The following INTS6 variants were observed in gnomAD, a reference collection of about 807,000 sequenced individuals.
INTS6 encodes integrator complex subunit 6.
INTS6 carries 16 observed loss-of-function variants against 104.9 expected under a neutral mutation model. That is an observed-to-expected ratio of 0.15 (90% confidence interval 0.10 to 0.23). The LOEUF is 0.23. Among genes scored for constraint, INTS6 ranks in the 10% least tolerant of loss-of-function variants. The pLI is 1.00. For missense variants in INTS6, 584 were observed against 1,062.8 expected, an observed-to-expected ratio of 0.55 and a Z score of 6.26; for synonymous variants, 324 against 358.7, an observed-to-expected ratio of 0.90 and a Z score of 1.09.
chr13:51,383,092 AC>A (rs150302250), intron 9 of INTS6, among the ~76,000 whole-genome samples: 1 of 97,174 alleles, frequency 1.0e-5, no homozygotes, highest in Non-Finnish European at 2.1e-5. Context: ...TCCCTCCCCC[AC>A]CCCCCCGCAA....
At position 51,364,506 on chromosome 13, in the gene INTS6, C is replaced by T. The variant is rs978386477; in HGVS notation, c.*1246G>A. 2 of 439,846 alleles carry T rather than the reference C, an allele frequency of 4.5e-6. No homozygotes were observed. Among genetic ancestry groups the T allele is most frequent in the Non-Finnish European group, 8.0e-6 (2 of 248,592 alleles). The allele number at this position is 439,846 out of a possible 1,614,324, so 27.2% of individuals were successfully genotyped here. ...TGACCTTCTTTTCTACTGCTTACCC[C>T]CCAAACCACTAAAAGGCACAGCAGT... On this transcript the variant is annotated 3_prime_UTR_variant, in exon 18 of 18. Transcript: ENST00000311234.
chr13:51,447,066 A>C (rs551100758), intron 3 of INTS6: 1 of 152,332 alleles, frequency 6.6e-6, no homozygotes, highest in South Asian at 2.1e-4. Context: ...TTTTAATTAA[A>C]GGAATTAAAA....
At chr13:51,381,860 G>A (rs1435153084) in intron 10 of INTS6, among the ~76,000 whole-genome samples, 169 bp downstream of exon 10, 1 of 151,736 alleles carries the variant, frequency 6.6e-6, no homozygotes, top group Admixed American at 6.6e-5. Flanking sequence ...CCGCCACCAC[G>A]CCCAGCTAAT....
At chr13:51,374,878 T>TA in intron 13 of INTS6, 82 bp from the exon 14 acceptor site, 1 of 1,407,662 alleles carries the variant, frequency 7.1e-7, no homozygotes, top group African/African-American at 1.4e-5. Flanking sequence ...GAATGCTACC[T>TA]AGTGTTATTC....
At position 51,430,309 on chromosome 13, in the gene INTS6, A is replaced by G. The variant is rs1479097731; in HGVS notation, c.414T>C (p.Ser138=). Residue 138 remains serine (S), a synonymous_variant, in exon 4 of 18, where the codon AGT becomes AGC. Transcript: ENST00000311234. ...CACAACTTACCTCATCCTGGACTCCACTGGTGGTAGTCAACTTGCTCCCAT... is the reference window on the plus strand; with the variant it reads ...CACAACTTACCTCATCCTGGACTCCGCTGGTGGTAGTCAACTTGCTCCCAT... ...ITDGSKLTTT[S]GVQDELHLPL... The G allele has an allele frequency of 6.2e-7, 1 of 1,613,162 alleles. No individual in the cohort carries two copies. The highest frequency in any genetic ancestry group is 1.1e-5 in the South Asian group (1 of 91,028).
chr13:51,344,424 C>T, the INTS6 span: 1 of 1,608,864 alleles, frequency 6.2e-7, no homozygotes, highest in Non-Finnish European at 8.5e-7. Flanking sequence ...AACCAGCCGA[C>T]CTCAGTGAGC....
the INTS6 span, among the ~76,000 whole-genome samples, chr13:51,334,474 T>G: frequency 2.0e-5 from 3 of 152,196 alleles, no homozygotes; most frequent in African/African-American, 7.2e-5. Context: ...GGAAAGACAT[T>G]CCACAGTCTT....
At chr13:51,410,900 A>C (rs532440957) in intron 4 of INTS6, among the ~76,000 whole-genome samples, 28 of 152,276 alleles carry the variant, frequency 1.8e-4, no homozygotes, top group African/African-American at 6.7e-4. Flanking sequence ...CACTTGACCA[A>C]AGAGATACAG....
At position 51,383,405 on chromosome 13, in the gene INTS6, C is replaced by T. The variant is rs377601724; in HGVS notation, c.1104G>A (p.Leu368=). ...CACAGTTCAGTGCTGTACTGGCTTT[C>T]AAGTAACCAAAAGGATGACCAAGTT... ...YSELGHPFGY[L]KASTALNCVN... is the part of the protein sequence containing the mutation. The change falls in exon 9 of 18, where the codon TTG becomes TTA. Residue 368 remains leucine, a synonymous_variant. Coordinates refer to ENST00000311234, the MANE Select transcript of INTS6 (RefSeq NM_012141.3). 6 of 1,613,880 alleles carry T rather than the reference C, an allele frequency of 3.7e-6. No individual in the cohort carries two copies. In the African/African-American group the frequency reaches 6.7e-5, roughly 18 times the overall value.
chr13:51,369,087 C>T lies in INTS6; in HGVS notation c.2328G>A (p.Glu776=), dbSNP rs763372877. 6 of 1,613,808 alleles carry T rather than the reference C, an allele frequency of 3.7e-6. No homozygotes were observed. In the Admixed American group the frequency reaches 8.3e-5, roughly 22 times the overall value. ...CAGCACATTGTTCTTTATCTCTTGGCTCCTCATGATTTTCTAAAAATCCAC... is the reference window on the plus strand; with the variant it reads ...CAGCACATTGTTCTTTATCTCTTGGTTCCTCATGATTTTCTAAAAATCCAC... ...TVGGFLENHE[E]PRDKEQCAEE... is the part of the protein sequence containing the mutation. The change falls in exon 16 of 18, where the codon GAG becomes GAA. Residue 776 remains glutamate, a synonymous_variant. Transcript: ENST00000311234.
chr13:51,344,713 C>A, the INTS6 span, among the ~76,000 whole-genome samples: 1 of 152,162 alleles, frequency 6.6e-6, no homozygotes, highest in African/African-American at 2.4e-5. Context: ...GGCACACACA[C>A]ACACACACGA....
intron 4 of INTS6, among the ~76,000 whole-genome samples, chr13:51,404,955 CATGT>C (rs2138007445): frequency 6.6e-6 from 1 of 152,172 alleles, no homozygotes; most frequent in Admixed American, 6.5e-5. Flanking sequence ...CTTTCAAAAA[CATGT>C]AAGTAAACAA....
At chr13:51,419,629 C>T (rs568207859) in intron 4 of INTS6, among the ~76,000 whole-genome samples, 15 of 152,350 alleles carry the variant, frequency 9.8e-5, no homozygotes, top group African/African-American at 3.6e-4. Flanking sequence ...AATAATTTTA[C>T]ATCTTACACT....
rs1953090002 is a variant in INTS6, at chr13:51,452,668, C to T, written c.-143G>A. ...GAAAACACTGTCTGGGTCTTTCCTCCGGCTGCGGGGAGTTTCTCCCCCGAT... is the reference window on the plus strand; with the variant it reads ...GAAAACACTGTCTGGGTCTTTCCTCTGGCTGCGGGGAGTTTCTCCCCCGAT... On this transcript the variant is annotated 5_prime_UTR_variant, in exon 1 of 18. Transcript: ENST00000311234. The surrounding 1 kb of genome is among the most constrained non-coding windows in gnomAD (Gnocchi z 4.2). The T allele has an allele frequency of 7.0e-7, 1 of 1,424,384 alleles. No individual in the cohort carries two copies. Among genetic ancestry groups the T allele is most frequent in the Non-Finnish European group, 9.2e-7 (1 of 1,088,942 alleles). The allele number at this position is 1,424,384 out of a possible 1,614,324, so 88.2% of individuals were successfully genotyped here. A position where few individuals can be genotyped will look rare whatever the true frequency, so the allele number is the denominator to read the frequency against.
downstream of INTS6, among the ~76,000 whole-genome samples, chr13:51,351,940 A>G (rs541321258): frequency 2.0e-5 from 3 of 152,164 alleles, no homozygotes; most frequent in East Asian, 1.9e-4. Context: ...GTCAAAATCA[A>G]TTGCCCATAA....
chr13:51,344,386 G>A, the INTS6 span: 21 of 1,612,578 alleles, frequency 1.3e-5, no homozygotes, highest in South Asian at 7.7e-5. Context: ...TGTGGAGCAC[G>A]TCTCCTGGTG....
chr13:51,383,852 GAT>G (rs1345680151), intron 7 of INTS6, 111 bp from the exon 8 acceptor site: 2 of 818,072 alleles, frequency 2.4e-6, no homozygotes, highest in Non-Finnish European at 3.7e-6. Context: ...GTAAGAGTTT[GAT>G]TTACTGCTAA....
At position 51,452,807 on chromosome 13, in the gene INTS6, C is replaced by A; in HGVS notation, c.-282G>T. The A allele has an allele frequency of 8.5e-7, 1 of 1,178,438 alleles. No individual in the cohort carries two copies. The highest frequency in any genetic ancestry group is 1.1e-6 in the Non-Finnish European group (1 of 946,778). The allele number at this position is 1,178,438 out of a possible 1,614,324, so 73.0% of individuals were successfully genotyped here. Reference sequence around the variant, plus strand: ...CCAGCCGTCTGTCTGTCGGTTCGTCCCCCCCGCCTCGGGGGTCCCGTCCCC... The same window carrying A: ...CCAGCCGTCTGTCTGTCGGTTCGTCACCCCCGCCTCGGGGGTCCCGTCCCC... On this transcript the variant is annotated 5_prime_UTR_variant, in exon 1 of 18. Coordinates refer to ENST00000311234, the MANE Select transcript of INTS6 (RefSeq NM_012141.3). This position sits in a 1 kb window ranked among gnomAD's most constrained non-coding sequence, Gnocchi z 4.2.
rs757105623 is a variant in INTS6, at chr13:51,378,351, T to C, written c.1490A>G (p.Tyr497Cys). 3 of 1,613,494 alleles carry C rather than the reference T, an allele frequency of 1.9e-6. No individual in the cohort carries two copies. The highest frequency in any genetic ancestry group is 1.7e-6 in the Non-Finnish European group (2 of 1,179,472). ...GAGGAGTTGTTGAAAATCTTTCCTATATGCCATTGATAAACCATGTGATCG... is the reference window on the plus strand; with the variant it reads ...GAGGAGTTGTTGAAAATCTTTCCTACATGCCATTGATAAACCATGTGATCG... ...RSRSHGLSMA[Y>C]RKDFQQLLQG... The change falls in exon 12 of 18, where the codon TAT (tyrosine) becomes TGT (cysteine). Residue 497 changes from tyrosine (Y) to cysteine (C), a missense_variant. Tyr to Cys is a radical substitution (Grantham distance 194). This residue lies in a region of INTS6 where 74 missense variants were observed against 64.4 expected (regional missense o/e 1.15). Transcript: ENST00000311234.
Sources: allele counts gnomAD v4.1 joint callset (sites outside exome capture counted in the v4.1 genomes callset), GRCh38; gene constraint gnomAD v4.1.1; regional missense constraint gnomAD v4.1.1; non-coding constraint Gnocchi (gnomAD v3.1); transcripts MANE v1.5; gene names NCBI Gene and HGNC (gene_info 2026-07-23, HGNC 2026-07-21).